Variants in FCSK observed in about 807,000 individuals in gnomAD.
FCSK encodes L-fucose kinase.
FCSK carries 123 observed loss-of-function variants against 122.5 expected under a neutral mutation model. The observed-to-expected ratio is 1.00, with a 90% CI of 0.87 to 1.17. The LOEUF is 1.17. FCSK is among the 50% of genes most tolerant of loss of function. The pLI, the probability that FCSK is intolerant of heterozygous loss-of-function variation, is 0.00. For missense variants in FCSK, 1,366 were observed against 1,450.4 expected (o/e 0.94, Z 0.95); for synonymous variants, 620 against 625.5 (o/e 0.99, Z 0.13).
intron 14 of FCSK, 82 bp downstream of exon 14, chr16:70,472,687 C>A (rs2048665891): frequency 3.4e-6 from 4 of 1,161,026 alleles, no homozygotes; most frequent in Middle Eastern, 2.3e-4. Context: ...CCTCCCCTGC[C>A]CCAGAGCAGC....
At chr16:70,465,799 A>G (rs1225699438) in intron 4 of FCSK, among the ~76,000 whole-genome samples, 1 of 151,276 alleles carries the variant, frequency 6.6e-6, no homozygotes, top group Admixed American at 6.6e-5. Context: ...TAAAAATACA[A>G]AAAATTAGCC....
chr16:70,467,883 T>C lies in FCSK; in HGVS notation c.583-3T>C. On this transcript the variant is annotated splice_polypyrimidine_tract_variant and splice_region_variant and intron_variant, in intron 7 of 23. Transcript: ENST00000288078. ...CGCTGATTCTGTTTCTCCCTGCACA[T>C]AGGGCCTTGTTTTGGACATTTACTA... 1 of 1,613,610 alleles carries C rather than the reference T, an allele frequency of 6.2e-7. No homozygotes were observed. Among genetic ancestry groups the C allele is most frequent in the Non-Finnish European group, 8.5e-7 (1 of 1,179,516 alleles).
intron 1 of FCSK, among the ~76,000 whole-genome samples, chr16:70,455,485 A>C (rs1396290364): frequency 1.4e-5 from 2 of 144,908 alleles, no homozygotes; most frequent in East Asian, 2.0e-4. Context: ...ACTACGTCTC[A>C]AAAACAAAAC....
intron 20 of FCSK, chr16:70,476,056 G>A (rs1037703661): frequency 4.5e-6 from 1 of 223,910 alleles, no homozygotes; most frequent in Non-Finnish European, 8.6e-6. Flanking sequence ...AGGCTGGAGT[G>A]CAGTGGTGCG....
chr16:70,479,152 C>T (rs770249444), intron 22 of FCSK, 28 bp from the exon 23 acceptor site: 3 of 1,557,528 alleles, frequency 1.9e-6, no homozygotes, highest in East Asian at 2.2e-5. Flanking sequence ...TTGGCCCAGG[C>T]ACGTCACTCC....
chr16:70,479,224 C>T lies in FCSK; in HGVS notation c.2974C>T (p.Gln992Ter), dbSNP rs181800639. Residue 992 changes from glutamine (Q) to a stop codon, truncating the protein, a stop_gained, in exon 23 of 24, where the codon CAG (glutamine) becomes TAG (stop). Coordinates refer to ENST00000288078, the MANE Select transcript of FCSK (RefSeq NM_145059.3). LOFTEE classifies it high-confidence loss of function. ...CCAGTGCCTGACCTCGTACTGGGAG[C>T]AGAAGAAGCTCATGGCTCCAGGCTG... ...LGQCLTSYWE[Q>*]KKLMAPGCEP... is the part of the protein sequence containing the mutation. 3.2e-5 allele frequency: 52 copies of T among 1,613,866 alleles called. No homozygotes were observed. The African/African-American group carries it at 6.3e-4, about 19-fold the overall frequency.
intron 8 of FCSK, 54 bp downstream of exon 8, chr16:70,468,020 G>C: frequency 7.3e-7 from 1 of 1,368,358 alleles, no homozygotes. Flanking sequence ...GGGACAGGGA[G>C]GGAGGGTCTG....
In FCSK at chr16:70,463,697, C is replaced by T. The variant is rs1181206449; in HGVS notation, c.157C>T (p.Arg53Cys). Residue 53 changes from arginine to cysteine, a missense_variant, in exon 3 of 24, where the codon CGT becomes TGT. By Grantham distance (180) the Arg-to-Cys change is radical. Coordinates refer to ENST00000288078, the MANE Select transcript of FCSK (RefSeq NM_145059.3). Reference sequence around the variant, plus strand: ...ACTGGCCGTGGAGGACCCAGAGAAGCGTGTGGGCAGCGGAGGAGCCACCCT... The same window carrying T: ...ACTGGCCGTGGAGGACCCAGAGAAGTGTGTGGGCAGCGGAGGAGCCACCCT... ...LLLAVEDPEK[R>C]VGSGGATLNA... 6 of 1,612,902 alleles carry T rather than the reference C, an allele frequency of 3.7e-6. No individual in the cohort carries two copies. The highest frequency in any genetic ancestry group is 2.2e-5 in the East Asian group (1 of 44,888).
At chr16:70,475,822 C>A in intron 20 of FCSK, 55 bp downstream of exon 20, 1 of 1,483,556 alleles carries the variant, frequency 6.7e-7, no homozygotes, top group African/African-American at 1.4e-5. Context: ...CAAGGGCCCG[C>A]GGGGGGAGTG....
At chr16:70,468,361 G>A (rs183113776) in intron 8 of FCSK, among the ~76,000 whole-genome samples, 2 of 152,156 alleles carry the variant, frequency 1.3e-5, no homozygotes, top group African/African-American at 4.8e-5. Context: ...CGGAGGTTGC[G>A]GTGAGCAGAG....
At chr16:70,466,806 G>T in intron 5 of FCSK, 76 bp from the exon 6 acceptor site, 1 of 1,345,604 alleles carries the variant, frequency 7.4e-7, no homozygotes. Flanking sequence ...CAACAGCACA[G>T]TATCCTTGGG....
At position 70,474,925 on chromosome 16, in the gene FCSK, T is replaced by G; in HGVS notation, c.2291T>G (p.Val764Gly). The G allele has an allele frequency of 6.2e-7, 1 of 1,610,920 alleles. No individual in the cohort carries two copies. Among genetic ancestry groups the G allele is most frequent in the Non-Finnish European group, 8.5e-7 (1 of 1,179,152 alleles). ...CCGGAGCCTGAGCTGTGGCTGGCGG[T>G]GGGGCCTCGGCAGGATGAGATGACT... ...RIPEPELWLA[V>G]GPRQDEMTVK... is the part of the protein sequence containing the mutation. The change falls in exon 18 of 24, where the codon GTG becomes GGG. Residue 764 changes from valine to glycine, a missense_variant. Coordinates refer to ENST00000288078, the MANE Select transcript of FCSK (RefSeq NM_145059.3).
In FCSK at chr16:70,474,993, T is replaced by A. The variant is rs757089566; in HGVS notation, c.2359T>A (p.Cys787Ser). ...CRCLADLRDY[C>S]QPHAPGALLK... ...GTGCCTGGCTGACCTGCGGGACTAC[T>A]GCCAGCCTCATGCCCCAGGTCAGGC... is the stretch of plus-strand genomic sequence containing the variant. Residue 787 changes from cysteine (C) to serine (S), a missense_variant, in exon 18 of 24, where the codon TGC becomes AGC. Coordinates refer to ENST00000288078, the MANE Select transcript of FCSK (RefSeq NM_145059.3). 40 of 1,605,056 alleles carry A rather than the reference T, an allele frequency of 2.5e-5. No homozygotes were observed. The highest frequency in any genetic ancestry group is 3.1e-5 in the Non-Finnish European group (37 of 1,177,030).
intron 8 of FCSK, 83 bp from the exon 9 acceptor site, chr16:70,468,766 C>G: frequency 6.5e-7 from 1 of 1,545,222 alleles, no homozygotes; most frequent in Non-Finnish European, 8.9e-7. Flanking sequence ...CTTCATGTGG[C>G]CCATCTGCAT....
At chr16:70,466,820 G>C (rs1379160005) in intron 5 of FCSK, 62 bp from the exon 6 acceptor site, 1 of 1,467,758 alleles carries the variant, frequency 6.8e-7, no homozygotes, top group Non-Finnish European at 9.4e-7. Flanking sequence ...CCTTGGGCAA[G>C]GAGGGGGCAG....
At chr16:70,476,254 C>T (rs17883753) in intron 20 of FCSK, 8,623 of 152,468 alleles carry the variant, frequency 0.057, 274 homozygotes, top group South Asian at 0.084. Context: ...CCGCCCGCCT[C>T]GGCCTCCCAA....
intron 14 of FCSK, 101 bp downstream of exon 14, chr16:70,472,706 T>C (rs2048667456): frequency 2.0e-6 from 2 of 1,007,790 alleles, no homozygotes; most frequent in East Asian, 5.3e-5. Flanking sequence ...GCACGGGCCG[T>C]GTTACCATCC....
chr16:70,457,971 C>T (rs2048141855), intron 1 of FCSK: 2 of 151,582 alleles, frequency 1.3e-5, no homozygotes, highest in South Asian at 4.1e-4. Context: ...ATCCAAAAGA[C>T]CCAGGTGTGT....
intron 3 of FCSK, among the ~76,000 whole-genome samples, chr16:70,464,719 A>AGG (rs2048364799): frequency 6.7e-6 from 1 of 149,958 alleles, no homozygotes; most frequent in African/African-American, 2.5e-5. Flanking sequence ...AAAAAAAAAA[A>AGG]ATTTAAGAGG....
Sources: gnomAD v4.1 joint callset for allele counts (sites outside exome capture counted in the v4.1 genomes callset) on GRCh38, gnomAD v4.1.1 for gene constraint, MANE v1.5 for transcripts, NCBI Gene and HGNC (gene_info 2026-07-23, HGNC 2026-07-21) for gene names.